The following POM121C variants were observed in gnomAD, a reference collection of about 807,000 sequenced individuals.
The protein encoded by POM121C is POM121 transmembrane nucleoporin C, also known as nuclear envelope pore membrane protein POM 121C.
POM121C carries 20 observed loss-of-function variants against 66.4 expected under a neutral mutation model. That is an observed-to-expected ratio of 0.30 (90% CI 0.21 to 0.44). The LOEUF (loss-of-function observed/expected upper bound fraction) is 0.44, where lower values mean the gene tolerates loss of function less well. Ranked by LOEUF, POM121C falls within the 20% of genes least tolerant of loss-of-function variation. The probability of loss-of-function intolerance (pLI) is 1.00; values close to 1 mark genes in which losing one functional copy is unlikely to be tolerated. For synonymous variants in POM121C, 286 were observed against 528.0 expected (o/e 0.54, Z 6.28); for missense variants, 580 against 1,225.7 (o/e 0.47, Z 7.87).
intron 1 of POM121C, among the ~76,000 whole-genome samples, chr7:75,481,340 G>A (rs1313589813): frequency 1.2e-4 from 18 of 151,776 alleles, no homozygotes; most frequent in African/African-American, 4.3e-4. Context: ...ATTCCGTCTG[G>A]CCAAAGATGG....
rs782790642 is a variant in POM121C, at chr7:75,418,908, C to T, written c.2867-15G>A. On this transcript the variant is annotated splice_polypyrimidine_tract_variant and intron_variant, in intron 14 of 14. Coordinates refer to ENST00000615331, the MANE Select transcript of POM121C (RefSeq NM_001099415.3). ...GGCCGCCGATCCTGGAAAGATTCAA[C>T]AAGACCTCATCAGGGCAGCTGCTAC... The T allele has an allele frequency of 2.3e-5, 36 of 1,596,820 alleles. No individual in the cohort carries two copies. Among genetic ancestry groups the T allele is most frequent in the African/African-American group, 5.4e-5 (4 of 73,872 alleles).
Position 75,485,901 on chromosome 7 carries a change from G to A in POM121C, c.-495C>T, listed in dbSNP as rs181558064. ...CCGCAGCCTCTGCCCCACGGCTCCC[G>A]AGAGGCCGGGGCGGGCTGCTGTCGC... On this transcript the variant is annotated 5_prime_UTR_variant, in exon 1 of 15. Coordinates refer to ENST00000615331, the MANE Select transcript of POM121C (RefSeq NM_001099415.3). The A allele has an allele frequency of 9.3e-3, 4,435 of 477,784 alleles. 31 individuals are homozygous for A. The highest frequency in any genetic ancestry group is 0.021 in the Middle Eastern group (41 of 1,944). The allele number at this position is 477,784 out of a possible 1,614,324, so 29.6% of individuals were successfully genotyped here. A position where few individuals can be genotyped will look rare whatever the true frequency, so the allele number is the denominator to read the frequency against.
chr7:75,482,583 G>T (rs781812418), intron 1 of POM121C, among the ~76,000 whole-genome samples: 1 of 152,150 alleles, frequency 6.6e-6, no homozygotes, highest in Admixed American at 6.5e-5. Flanking sequence ...CCAGCTAGGC[G>T]GGAGGCTGAG....
chr7:75,432,136 G>T (rs1395693862), intron 7 of POM121C, among the ~76,000 whole-genome samples: 1 of 146,168 alleles, frequency 6.8e-6, no homozygotes, highest in Non-Finnish European at 1.5e-5. Context: ...AGTGAGCCGA[G>T]ATCGCGCCAC....
At chr7:75,438,452 C>G (rs1255828896) in intron 6 of POM121C, among the ~76,000 whole-genome samples, 1 of 152,212 alleles carries the variant, frequency 6.6e-6, no homozygotes, top group African/African-American at 2.4e-5. Context: ...TGGGTTAATA[C>G]TTCCATACCT....
At chr7:75,426,964 A>G (rs2116347751) in intron 7 of POM121C, among the ~76,000 whole-genome samples, 1 of 148,290 alleles carries the variant, frequency 6.7e-6, no homozygotes, top group South Asian at 2.2e-4. Flanking sequence ...GGATGGACAC[A>G]CTTTTGCATA....
intron 7 of POM121C, among the ~76,000 whole-genome samples, chr7:75,429,769 CAGAG>C (rs1554472130): frequency 1.3e-5 from 2 of 152,110 alleles, no homozygotes; most frequent in Non-Finnish European, 2.9e-5. Flanking sequence ...TTCCAGCACT[CAGAG>C]AGGCCAAGGT....
Position 75,421,996 on chromosome 7 carries a change from G to A in POM121C, c.2256C>T (p.Ile752=), listed in dbSNP as rs781999997. The part of the protein sequence containing the change: ...TAPTPAPAST[I]KIVPAHVPTP... Reference sequence around the variant, plus strand: ...TAGGCACGTGCGCAGGCACGATCTTGATCGTGGACGCAGGTGCAGGTGTGG... The same window carrying A: ...TAGGCACGTGCGCAGGCACGATCTTAATCGTGGACGCAGGTGCAGGTGTGG... The change falls in exon 13 of 15, where the codon ATC becomes ATT. Residue 752 remains isoleucine (I), a synonymous_variant. Transcript: ENST00000615331. 13 of 1,613,798 alleles carry A rather than the reference G, an allele frequency of 8.1e-6. No homozygotes were observed. Among genetic ancestry groups the A allele is most frequent in the Non-Finnish European group, 1.1e-5 (13 of 1,179,872 alleles).
intron 3 of POM121C, among the ~76,000 whole-genome samples, chr7:75,468,518 C>T (rs1227861111): frequency 6.6e-6 from 1 of 151,958 alleles, no homozygotes; most frequent in Non-Finnish European, 1.5e-5. Flanking sequence ...AGGATTTCGC[C>T]ATGTTGGCCA....
chr7:75,485,538 G>A lies in POM121C; in HGVS notation c.-458+326C>T, dbSNP rs181605446. Among the ~76,000 whole-genome samples, 21 of 152,294 alleles carry A rather than the reference G, an allele frequency of 1.4e-4. No homozygotes were observed. The East Asian group carries it at 2.7e-3, about 20-fold the overall frequency. On this transcript the variant is annotated intron_variant, in intron 1 of 14. Transcript: ENST00000615331. ...GGGGGATCAGCAGACACTTAAGTGA[G>A]AGAATAGAAGTGCTGACGGACGTTT... is the stretch of plus-strand genomic sequence containing the variant.
chr7:75,486,099 G>A lies in POM121C; in HGVS notation c.-693C>T, dbSNP rs1584728141. Reference sequence around the variant, plus strand: ...CTCTGGCCCCAGCGCCGCCGGCTCCGGGGTTCACGCTCGGGGGTCCCAGCT... The same window carrying A: ...CTCTGGCCCCAGCGCCGCCGGCTCCAGGGTTCACGCTCGGGGGTCCCAGCT... On this transcript the variant is annotated 5_prime_UTR_variant, in exon 1 of 15. Transcript: ENST00000615331. 2 of 365,660 alleles carry A rather than the reference G, an allele frequency of 5.5e-6. No homozygotes were observed. Among genetic ancestry groups the A allele is most frequent in the African/African-American group, 4.5e-5 (2 of 44,272 alleles). The allele number at this position is 365,660 out of a possible 1,614,324, so 22.7% of individuals were successfully genotyped here.
In POM121C at chr7:75,419,035, T is replaced by G. The variant is rs236656; in HGVS notation, c.2867-142A>C. The stretch of plus-strand genomic sequence containing the variant: ...TTTCCCCGCTGCGTCAGAAACACTG[T>G]ACGGGAGGAGCCTCCTGAAATGCAA... On this transcript the variant is annotated intron_variant, in intron 14 of 14. Coordinates refer to ENST00000615331, the MANE Select transcript of POM121C (RefSeq NM_001099415.3). 9,928 of 1,447,796 alleles carry G rather than the reference T, an allele frequency of 6.9e-3. 44 individuals are homozygous for G. The highest frequency in any genetic ancestry group is 0.01 in the East Asian group (407 of 39,830). 89.7% of individuals were successfully genotyped at this position (1,447,796 alleles called of 1,614,324 possible).
chr7:75,482,699 A>G (rs1173670385), intron 1 of POM121C, among the ~76,000 whole-genome samples: 1 of 152,098 alleles, frequency 6.6e-6, no homozygotes, highest in African/African-American at 2.4e-5. Context: ...CAAAAAAAGA[A>G]AAAAAGAAAC....
At chr7:75,449,963 G>A (rs1463926586) in intron 3 of POM121C, among the ~76,000 whole-genome samples, 10 of 152,082 alleles carry the variant, frequency 6.6e-5, no homozygotes, top group East Asian at 1.9e-4. Context: ...TGAGTGAGCC[G>A]AGATCGTGCC....
intron 1 of POM121C, among the ~76,000 whole-genome samples, chr7:75,483,140 C>T (rs1206602548): frequency 1.3e-5 from 2 of 152,076 alleles, no homozygotes; most frequent in Admixed American, 1.3e-4. Context: ...TATTTCCGTC[C>T]CTGGAAAAAT....
At chr7:75,485,388 G>T (rs1412057971) in intron 1 of POM121C, among the ~76,000 whole-genome samples, 1 of 152,056 alleles carries the variant, frequency 6.6e-6, no homozygotes, top group Admixed American at 6.6e-5. Context: ...TACCCACAAA[G>T]CCGGTGACCT....
intron 3 of POM121C, among the ~76,000 whole-genome samples, chr7:75,469,920 T>A (rs1791805348): frequency 6.6e-6 from 1 of 152,220 alleles, no homozygotes; most frequent in South Asian, 2.1e-4. Context: ...GGAACTTTTT[T>A]CCCCTCACAG....
chr7:75,432,810 G>A (rs1790236386), intron 7 of POM121C, among the ~76,000 whole-genome samples: 1 of 152,202 alleles, frequency 6.6e-6, no homozygotes, highest in Admixed American at 6.5e-5. Flanking sequence ...TTTGCACACA[G>A]TAAAAATGTT....
chr7:75,481,893 C>T (rs1233853629), intron 1 of POM121C, among the ~76,000 whole-genome samples: 1 of 151,972 alleles, frequency 6.6e-6, no homozygotes, highest in African/African-American at 2.4e-5. Flanking sequence ...ATTTTGCCTC[C>T]CCTAATGAAG....
Sources: allele counts gnomAD v4.1 joint callset (sites outside exome capture counted in the v4.1 genomes callset), GRCh38; gene constraint gnomAD v4.1.1; transcripts MANE v1.5; gene names NCBI Gene and HGNC (gene_info 2026-07-23, HGNC 2026-07-21).